Variants in CDH18 observed in about 807,000 individuals in gnomAD.
CDH18 encodes the protein cadherin-18.
In CDH18, 31 loss-of-function variants were observed where a neutral mutation model predicts 67.9. That is an observed-to-expected ratio of 0.46 (90% CI 0.34 to 0.62). CDH18 has a LOEUF of 0.62. CDH18 is among the 20% of genes least tolerant of loss of function. The pLI is 0.01. For missense variants in CDH18, 890 were observed against 975.5 expected (o/e 0.91, Z 1.17); for synonymous variants, 362 against 347.2 (o/e 1.04, Z -0.48).
At chr5:20,398,908 CG>C (rs1482196294) in intron 1 of CDH18, among the ~76,000 whole-genome samples, 2 of 147,002 alleles carry the variant, frequency 1.4e-5, no homozygotes, top group African/African-American at 5.0e-5. Flanking sequence ...CGTATACCTA[CG>C]TAGAAAACCA....
chr5:19,832,416 G>A (rs1415635005), intron 3 of CDH18, among the ~76,000 whole-genome samples: 1 of 151,960 alleles, frequency 6.6e-6, no homozygotes, highest in Non-Finnish European at 1.5e-5. Context: ...TGCATTTTAT[G>A]AGCATTATTT....
chr5:20,305,576 C>T (rs1318347101), intron 1 of CDH18: 6 of 573,138 alleles, frequency 1.0e-5, no homozygotes, highest in African/African-American at 7.6e-5. Flanking sequence ...CGGCCGCTTC[C>T]GGTCCTGCGC....
chr5:19,540,924 C>G (rs557090381), intron 9 of CDH18, among the ~76,000 whole-genome samples: 1 of 152,278 alleles, frequency 6.6e-6, no homozygotes, highest in East Asian at 1.9e-4. Context: ...TGTTACTTAT[C>G]CAAATTTCTG....
At chr5:19,512,118 A>T (rs915435747) in intron 10 of CDH18, among the ~76,000 whole-genome samples, 2 of 152,180 alleles carry the variant, frequency 1.3e-5, no homozygotes, top group Admixed American at 1.3e-4. Flanking sequence ...ATAAGTATCA[A>T]TTAAGCCAAG....
At chr5:19,830,155 A>G (rs62355793) in intron 3 of CDH18, among the ~76,000 whole-genome samples, 12,447 of 152,266 alleles carry the variant, frequency 0.082, 532 homozygotes, top group African/African-American at 0.1. Context: ...TGAAGCTGCC[A>G]AAAGCAATTG....
intron 2 of CDH18, among the ~76,000 whole-genome samples, chr5:20,148,272 T>C (rs746279962): frequency 6.6e-5 from 10 of 151,910 alleles, no homozygotes; most frequent in Admixed American, 1.3e-4. Context: ...TTTTTATTTT[T>C]ATTTTTAATA....
At chr5:20,117,265 A>G (rs1192524606) in intron 2 of CDH18, among the ~76,000 whole-genome samples, 2 of 152,156 alleles carry the variant, frequency 1.3e-5, no homozygotes, top group Non-Finnish European at 2.9e-5. Context: ...ACATCAAGGA[A>G]AGCAGAGTAA....
intron 2 of CDH18, among the ~76,000 whole-genome samples, chr5:20,251,810 C>T (rs1210683430): frequency 2.6e-5 from 4 of 152,094 alleles, no homozygotes; most frequent in African/African-American, 4.8e-5. Flanking sequence ...ATAATGAGCA[C>T]ATTACATGAA....
intron 2 of CDH18, among the ~76,000 whole-genome samples, chr5:19,959,196 C>T (rs891084337): frequency 6.6e-6 from 1 of 151,962 alleles, no homozygotes; most frequent in Middle Eastern, 3.2e-3. Flanking sequence ...GTCCTGAAAG[C>T]AGTAAATATT....
At chr5:20,270,324 A>AT (rs1167435803) in intron 1 of CDH18, among the ~76,000 whole-genome samples, 1 of 152,162 alleles carries the variant, frequency 6.6e-6, no homozygotes, top group Non-Finnish European at 1.5e-5. Context: ...TGAAAGGAAT[A>AT]TTGATATTGT....
chr5:20,486,132 C>T (rs555321806), intron 1 of CDH18, among the ~76,000 whole-genome samples: 94 of 152,240 alleles, frequency 6.2e-4, no homozygotes, highest in African/African-American at 2.1e-3. Context: ...CTTAAAACCC[C>T]AGTTCTAATT....
intron 1 of CDH18, among the ~76,000 whole-genome samples, chr5:20,350,818 G>A (rs931170027): frequency 2.0e-5 from 3 of 152,070 alleles, no homozygotes; most frequent in Non-Finnish European, 4.4e-5. Flanking sequence ...TCAAAATGAA[G>A]CTATTCATCT....
intron 1 of CDH18, among the ~76,000 whole-genome samples, chr5:20,307,580 C>T (rs1179472752): frequency 6.6e-6 from 1 of 152,160 alleles, no homozygotes; most frequent in Non-Finnish European, 1.5e-5. Flanking sequence ...TTAAAGTGGA[C>T]TGCTTCCATT....
chr5:19,878,038 G>GT (rs1289678387), intron 2 of CDH18: 2 of 152,062 alleles, frequency 1.3e-5, no homozygotes, highest in African/African-American at 4.8e-5. Flanking sequence ...TAACTTCGTT[G>GT]TAAGAAGGTA....
rs113188758 is a variant in CDH18, at chr5:20,173,552, A to G, written c.-518+81892T>C. Among the ~76,000 whole-genome samples the G allele has an allele frequency of 2.4e-3, 372 of 152,286 alleles. 1 individual carries two copies. The highest frequency in any genetic ancestry group is 8.6e-3 in the African/African-American group (359 of 41,558). On this transcript the variant is annotated intron_variant, in intron 2 of 14. Transcript: ENST00000507958. Reference sequence around the variant, plus strand: ...TAAGTACCTCTGTGTTTATAGCAAGAAAACTAGCCATAGAAATGGCTTTTA... The same window carrying G: ...TAAGTACCTCTGTGTTTATAGCAAGGAAACTAGCCATAGAAATGGCTTTTA...
chr5:20,269,418 C>T (rs900387624), intron 1 of CDH18, among the ~76,000 whole-genome samples: 1 of 152,152 alleles, frequency 6.6e-6, no homozygotes, highest in South Asian at 2.1e-4. Flanking sequence ...ACATACCTCA[C>T]TCCTGTGTTT....
At chr5:20,557,897 A>G (rs1378147974) in intron 1 of CDH18, among the ~76,000 whole-genome samples, 3 of 80,960 alleles carry the variant, frequency 3.7e-5, no homozygotes, top group Non-Finnish European at 7.6e-5. Context: ...TTATAGTTAT[A>G]TAACATTTAA....
At chr5:20,453,971 A>G (rs1370968318) in intron 1 of CDH18, among the ~76,000 whole-genome samples, 2 of 152,160 alleles carry the variant, frequency 1.3e-5, no homozygotes, top group African/African-American at 4.8e-5. Flanking sequence ...AATGAGGCAA[A>G]TAAGTCAGAC....
intron 1 of CDH18, among the ~76,000 whole-genome samples, chr5:20,488,018 T>G (rs1753313720): frequency 1.3e-5 from 2 of 152,154 alleles, no homozygotes; most frequent in Non-Finnish European, 2.9e-5. Context: ...AGTGGCTGAT[T>G]GGCTGTCCTG....
Sources: gnomAD v4.1 joint callset for allele counts (sites outside exome capture counted in the v4.1 genomes callset) on GRCh38, gnomAD v4.1.1 for gene constraint, MANE v1.5 for transcripts, NCBI Gene and HGNC (gene_info 2026-07-23, HGNC 2026-07-21) for gene names.